Variants in SEMA6A observed in about 807,000 individuals in gnomAD.
SEMA6A encodes semaphorin 6A.
A neutral mutation model predicts 96.8 loss-of-function variants in SEMA6A; 25 were observed. That is an observed-to-expected ratio of 0.26 (90% CI 0.19 to 0.36). SEMA6A has a LOEUF of 0.36. Among genes scored for constraint, SEMA6A ranks in the 10% least tolerant of loss-of-function variants. The pLI, the probability that SEMA6A is intolerant of heterozygous loss-of-function variation, is 1.00. For synonymous variants in SEMA6A, 612 were observed against 518.0 expected (o/e 1.18, Z -2.46); for missense variants, 1,363 against 1,323.1 (o/e 1.03, Z -0.47).
chr5:116,477,970 A>T (rs1346009931), intron 14 of SEMA6A, 44 bp from the exon 15 acceptor site: 3 of 1,613,794 alleles, frequency 1.9e-6, no homozygotes, highest in Non-Finnish European at 2.5e-6. Flanking sequence ...ACTGTTTCCT[A>T]GCCACCATGG....
At chr5:116,494,874 C>G (rs942921831) in intron 6 of SEMA6A, among the ~76,000 whole-genome samples, 3 of 152,192 alleles carry the variant, frequency 2.0e-5, no homozygotes, top group African/African-American at 7.2e-5. Context: ...TCAAAACCAG[C>G]TAGATTTACT....
At chr5:116,513,197 G>A (rs941116182) in intron 1 of SEMA6A, among the ~76,000 whole-genome samples, 1 of 151,804 alleles carries the variant, frequency 6.6e-6, no homozygotes, top group Non-Finnish European at 1.5e-5. Flanking sequence ...GCGCGATCTC[G>A]GCTCACCACA....
At chr5:116,508,164 A>G (rs1758236927) in intron 1 of SEMA6A, 1 of 152,216 alleles carries the variant, frequency 6.6e-6, no homozygotes. Context: ...GCTTTCAGGT[A>G]CTCCAGATTG....
At chr5:116,535,642 A>G (rs1759674054) in intron 1 of SEMA6A, among the ~76,000 whole-genome samples, 1 of 152,192 alleles carries the variant, frequency 6.6e-6, no homozygotes, top group African/African-American at 2.4e-5. Context: ...CACACCTTGA[A>G]AAACAGGCTA....
At chr5:116,453,840 C>G (rs1423420178) in intron 18 of SEMA6A, among the ~76,000 whole-genome samples, 1 of 152,158 alleles carries the variant, frequency 6.6e-6, no homozygotes, top group Non-Finnish European at 1.5e-5. Flanking sequence ...GCACCTTACA[C>G]AAATAGCTGG....
intron 18 of SEMA6A, among the ~76,000 whole-genome samples, chr5:116,455,816 G>A (rs187826755): frequency 1.3e-5 from 2 of 152,216 alleles, no homozygotes; most frequent in African/African-American, 2.4e-5. Flanking sequence ...TAAAGACCTG[G>A]GTTTGCGTGT....
intron 7 of SEMA6A, among the ~76,000 whole-genome samples, chr5:116,491,165 A>C (rs1391526044): frequency 6.6e-6 from 1 of 152,154 alleles, no homozygotes; most frequent in Non-Finnish European, 1.5e-5. Flanking sequence ...CATTGCTCTG[A>C]GAGAGCTTCC....
rs114974511 is a variant in SEMA6A at position 116,479,232 on chromosome 5, G to C, written c.1251-514C>G. Among the ~76,000 whole-genome samples the C allele has an allele frequency of 2.0e-5, 3 of 152,270 alleles. No homozygotes were observed. The South Asian group carries it at 6.2e-4, about 32-fold the overall frequency. On this transcript the variant is annotated intron_variant, in intron 12 of 18. Coordinates refer to ENST00000343348, the MANE Select transcript of SEMA6A (RefSeq NM_020796.5). ...GGTGCTAATGGCACTACTAAAAACT[G>C]TAAGGACCTGCAAGCCAAACAATAT...
intron 1 of SEMA6A, among the ~76,000 whole-genome samples, chr5:116,569,506 T>A (rs966936349): frequency 6.6e-6 from 1 of 151,688 alleles, no homozygotes; most frequent in Non-Finnish European, 1.5e-5. Flanking sequence ...TGATCTGATC[T>A]GGTTTAGTTT....
chr5:116,528,784 T>G (rs997201917), intron 1 of SEMA6A, among the ~76,000 whole-genome samples: 6 of 152,162 alleles, frequency 3.9e-5, no homozygotes, highest in Non-Finnish European at 5.9e-5. Flanking sequence ...ATAGCCAGTG[T>G]ATTGTGGGGG....
intron 1 of SEMA6A, among the ~76,000 whole-genome samples, chr5:116,553,620 G>A (rs1298867371): frequency 6.6e-6 from 1 of 152,186 alleles, no homozygotes; most frequent in African/African-American, 2.4e-5. Context: ...CCACAGTGCT[G>A]GGAGCAAACA....
intron 11 of SEMA6A, 101 bp downstream of exon 11, chr5:116,482,343 A>T (rs1169421774): frequency 1.5e-6 from 2 of 1,291,616 alleles, no homozygotes; most frequent in Admixed American, 4.6e-5. Flanking sequence ...CTTGGCTGGC[A>T]TGGAAGGCAC....
At chr5:116,472,891 C>T (rs1227105373) in intron 17 of SEMA6A, 182 bp downstream of exon 17, 2 of 1,507,046 alleles carry the variant, frequency 1.3e-6, no homozygotes, top group Non-Finnish European at 1.8e-6. Flanking sequence ...TGACCATACA[C>T]TGTGTTGTAA....
chr5:116,477,834 C>G lies in SEMA6A; in HGVS notation c.1649+12G>C. ...AGCCACTTCACCCTCTCCCACACCTCAGGCTGCCTACCTGCTGTTGGGTGA... is the reference window on the plus strand; with the variant it reads ...AGCCACTTCACCCTCTCCCACACCTGAGGCTGCCTACCTGCTGTTGGGTGA... On this transcript the variant is annotated intron_variant, in intron 15 of 18. Coordinates refer to ENST00000343348, the MANE Select transcript of SEMA6A (RefSeq NM_020796.5). The G allele has an allele frequency of 1.2e-6, 2 of 1,613,348 alleles. No individual in the cohort carries two copies. The highest frequency in any genetic ancestry group is 1.7e-6 in the Non-Finnish European group (2 of 1,179,760).
chr5:116,532,981 C>T (rs559211975), intron 1 of SEMA6A, among the ~76,000 whole-genome samples: 2 of 152,170 alleles, frequency 1.3e-5, no homozygotes, highest in South Asian at 2.1e-4. Flanking sequence ...TTCTCCACCC[C>T]CTCTGCCAAG....
intron 18 of SEMA6A, among the ~76,000 whole-genome samples, chr5:116,465,174 G>A (rs113270410): frequency 3.9e-5 from 6 of 152,140 alleles, no homozygotes; most frequent in African/African-American, 1.2e-4. Context: ...CCGACATCAG[G>A]GAATGAAAAG....
rs543721498 is a variant in SEMA6A at position 116,444,349 on chromosome 5, G to A, written c.*2264C>T. 1 of 152,068 alleles carries A rather than the reference G, an allele frequency of 6.6e-6. No homozygotes were observed. Among genetic ancestry groups the A allele is most frequent in the Non-Finnish European group, 1.5e-5 (1 of 68,014 alleles). The allele number at this position is 152,068 out of a possible 1,614,324, so 9.4% of individuals were successfully genotyped here. A position where few individuals can be genotyped will look rare whatever the true frequency, so the allele number is the denominator to read the frequency against. On this transcript the variant is annotated 3_prime_UTR_variant, in exon 19 of 19. Coordinates refer to ENST00000343348, the MANE Select transcript of SEMA6A (RefSeq NM_020796.5). ...CTCAGCTAAGTACTCAGGTCTGAAGGCAACCACACTGATTATGGAGGCTCC... is the reference window on the plus strand; with the variant it reads ...CTCAGCTAAGTACTCAGGTCTGAAGACAACCACACTGATTATGGAGGCTCC...
At chr5:116,553,329 G>A (rs1760489839) in intron 1 of SEMA6A, among the ~76,000 whole-genome samples, 2 of 151,018 alleles carry the variant, frequency 1.3e-5, no homozygotes. Context: ...GTCCCTCAAA[G>A]GGATTAAATC....
At chr5:116,557,908 C>T (rs1406683483) in intron 1 of SEMA6A, among the ~76,000 whole-genome samples, 1 of 152,126 alleles carries the variant, frequency 6.6e-6, no homozygotes, top group African/African-American at 2.4e-5. Flanking sequence ...CAAGCGATAG[C>T]ACAACTATGC....
Sources: gnomAD v4.1 joint callset for allele counts (sites outside exome capture counted in the v4.1 genomes callset) on GRCh38, gnomAD v4.1.1 for gene constraint, MANE v1.5 for transcripts, NCBI Gene and HGNC (gene_info 2026-07-23, HGNC 2026-07-21) for gene names.